HIRA: variants seen among roughly 807,000 people sequenced by gnomAD.
HIRA encodes the protein protein HIRA.
Under a neutral mutation model 126.6 loss-of-function variants are expected in HIRA, and 13 were observed. The observed-to-expected ratio is 0.10, with a 90% CI of 0.07 to 0.16. HIRA has a LOEUF of 0.16. Ranked by LOEUF, HIRA falls within the 10% of genes least tolerant of loss-of-function variation. The pLI is 1.00. For synonymous variants in HIRA, 511 were observed against 520.0 expected (o/e 0.98, Z 0.24); for missense variants, 834 against 1,314.4 (o/e 0.63, Z 5.65).
chr22:19,367,778 T>C (rs554813831), intron 15 of HIRA, among the ~76,000 whole-genome samples: 10 of 152,202 alleles, frequency 6.6e-5, no homozygotes, highest in Non-Finnish European at 8.8e-5. Flanking sequence ...ATGTAGCAAA[T>C]TCAGTTTTTG....
chr22:19,431,500 G>GC lies in HIRA; in HGVS notation c.-25dup. The GC allele has an allele frequency of 6.4e-7, 1 of 1,563,432 alleles. No homozygotes were observed. Among genetic ancestry groups the GC allele is most frequent in the Non-Finnish European group, 8.7e-7 (1 of 1,155,848 alleles). On this transcript the variant is annotated 5_prime_UTR_variant, in exon 1 of 25. Coordinates refer to ENST00000263208, the MANE Select transcript of HIRA (RefSeq NM_003325.4). ...ATTGTTCGGCCGCCGCCGCCGCCGG[G>GC]CTGAGGCGAGCGCCGGGTCCCTCAG... is the stretch of plus-strand genomic sequence containing the variant.
intron 1 of HIRA, among the ~76,000 whole-genome samples, chr22:19,418,352 C>T (rs976292389): frequency 2.0e-5 from 3 of 151,764 alleles, no homozygotes; most frequent in Admixed American, 6.6e-5. Context: ...TGGCGGGGTG[C>T]GGTGGCTCAC....
intron 6 of HIRA, 64 bp downstream of exon 6, chr22:19,397,928 C>A: frequency 8.1e-7 from 1 of 1,227,876 alleles, no homozygotes; most frequent in Non-Finnish European, 1.2e-6. Context: ...GACAGCCCAA[C>A]CCCTGCTCCA....
intron 24 of HIRA, among the ~76,000 whole-genome samples, chr22:19,348,160 C>A (rs1260571584): frequency 1.3e-5 from 2 of 152,330 alleles, no homozygotes; most frequent in Admixed American, 1.3e-4. Context: ...ATCATGGAGT[C>A]CCTACAGTGC....
intron 1 of HIRA, among the ~76,000 whole-genome samples, chr22:19,416,630 C>T (rs1161981761): frequency 5.3e-5 from 8 of 152,152 alleles, no homozygotes; most frequent in Admixed American, 5.2e-4. Context: ...TGCACCACTG[C>T]ATCTGACCAT....
intron 24 of HIRA, among the ~76,000 whole-genome samples, chr22:19,342,264 C>T (rs998848024): frequency 3.3e-5 from 5 of 152,124 alleles, no homozygotes; most frequent in African/African-American, 1.2e-4. Flanking sequence ...TACCACCTTA[C>T]TCCTGCAAGA....
intron 5 of HIRA, 22 bp downstream of exon 5, chr22:19,405,764 C>T: frequency 1.5e-6 from 2 of 1,377,526 alleles, no homozygotes; most frequent in South Asian, 1.8e-5. Context: ...GCCCACCCAC[C>T]CCAACAGGCA....
intron 1 of HIRA, among the ~76,000 whole-genome samples, chr22:19,420,354 T>C (rs2089434277): frequency 6.7e-6 from 1 of 150,084 alleles, no homozygotes; most frequent in African/African-American, 2.5e-5. Flanking sequence ...TAGTCTCAGC[T>C]ACTCAGGAGG....
At position 19,355,468 on chromosome 22, in the gene HIRA, G is replaced by A. The variant is rs148833997; in HGVS notation, c.2561+292C>T. 2.6e-3 allele frequency among the ~76,000 whole-genome samples: 394 copies of A among 152,262 alleles called. 2 individuals are homozygous for A. Among genetic ancestry groups the A allele is most frequent in the African/African-American group, 9.3e-3 (386 of 41,548 alleles). ...CTAACCTATGCTCATGGTGGCTAAG[G>A]GGGCCACAGCAAAAACCATAAAAAT... On this transcript the variant is annotated intron_variant, in intron 21 of 24. Coordinates refer to ENST00000263208, the MANE Select transcript of HIRA (RefSeq NM_003325.4).
At chr22:19,397,924 C>G (rs2089236403) in intron 6 of HIRA, 68 bp downstream of exon 6, 4 of 1,180,262 alleles carry the variant, frequency 3.4e-6, no homozygotes, top group Non-Finnish European at 5.0e-6. Flanking sequence ...AGGAGACAGC[C>G]CAACCCCTGC....
intron 12 of HIRA, among the ~76,000 whole-genome samples, 175 bp downstream of exon 12, chr22:19,385,346 C>T (rs557937135): frequency 1.6e-4 from 24 of 152,326 alleles, no homozygotes; most frequent in Admixed American, 3.3e-4. Context: ...AGGATCCAGG[C>T]CCCATTACTG....
In HIRA at chr22:19,418,281, A is replaced by T. The variant is rs146490068; in HGVS notation, c.38-7503T>A. 2.5e-3 allele frequency among the ~76,000 whole-genome samples: 377 copies of T among 152,258 alleles called. 1 individual carries two copies. Among genetic ancestry groups the T allele is most frequent in the African/African-American group, 7.9e-3 (329 of 41,542 alleles). ...GCTAATAAAAACCAAACAAAACCAA[A>T]AATAAAAATAAATAAAATGGAGGAG... On this transcript the variant is annotated intron_variant, in intron 1 of 24. Transcript: ENST00000263208.
chr22:19,367,205 C>T (rs1227069850), intron 15 of HIRA, among the ~76,000 whole-genome samples: 2 of 152,070 alleles, frequency 1.3e-5, no homozygotes, highest in Admixed American at 1.3e-4. Context: ...TTTCAAATAA[C>T]ATTCCATCTG....
At chr22:19,354,765 T>C (rs1161081026) in intron 21 of HIRA, among the ~76,000 whole-genome samples, 2 of 147,372 alleles carry the variant, frequency 1.4e-5, no homozygotes, top group African/African-American at 4.9e-5. Context: ...GAGCAGGCAG[T>C]GGAGATTTTT....
intron 15 of HIRA, among the ~76,000 whole-genome samples, chr22:19,373,045 C>T (rs545054654): frequency 6.6e-6 from 1 of 152,270 alleles, no homozygotes; most frequent in South Asian, 2.1e-4. Flanking sequence ...TTATCGATTC[C>T]TTCCTTTAGT....
intron 15 of HIRA, among the ~76,000 whole-genome samples, chr22:19,373,931 C>CTTTTTTTTTTTTTTTTTTTTTTTT (rs1254884863): frequency 6.7e-6 from 1 of 149,794 alleles, no homozygotes; most frequent in Non-Finnish European, 1.5e-5. Context: ...ACTGCTCTGG[C>CTTTTTTTTTTTTTTTTTTTTTTTT]TTTTTTGTTC....
rs367703105 is a variant in HIRA at position 19,371,647 on chromosome 22, C to G, written c.1775+3984G>C. Among the ~76,000 whole-genome samples, 4 of 152,206 alleles carry G rather than the reference C, an allele frequency of 2.6e-5. No individual in the cohort carries two copies. The South Asian group carries it at 8.3e-4, about 31-fold the overall frequency. On this transcript the variant is annotated intron_variant, in intron 15 of 24. Transcript: ENST00000263208. ...CACTCCTTATCCTCCCTCCCTCAGA[C>G]CCTGGCAACCACTGTTACTCTACTT...
At chr22:19,374,432 G>A (rs1038678652) in intron 15 of HIRA, among the ~76,000 whole-genome samples, 1 of 152,146 alleles carries the variant, frequency 6.6e-6, no homozygotes, top group Non-Finnish European at 1.5e-5. Flanking sequence ...GGGATTACAG[G>A]CATGAGCTAT....
intron 5 of HIRA, 113 bp from the exon 6 acceptor site, chr22:19,398,200 T>C (rs1054757944): frequency 1.4e-6 from 1 of 728,584 alleles, no homozygotes; most frequent in Non-Finnish European, 2.3e-6. Context: ...TGGTATTTTT[T>C]AACCAACCTG....
Sources: allele counts gnomAD v4.1 joint callset (sites outside exome capture counted in the v4.1 genomes callset), GRCh38; gene constraint gnomAD v4.1.1; transcripts MANE v1.5; gene names NCBI Gene and HGNC (gene_info 2026-07-23, HGNC 2026-07-21).